The following CARMIL1 variants were observed in gnomAD, a reference collection of about 807,000 sequenced individuals.
CARMIL1 encodes F-actin-uncapping protein LRRC16A.
CARMIL1 carries 90 observed loss-of-function variants against 177.1 expected under a neutral mutation model. The observed-to-expected ratio is 0.51, with a 90% CI of 0.43 to 0.61. The LOEUF (loss-of-function observed/expected upper bound fraction) is 0.61. CARMIL1 is among the 20% of genes least tolerant of loss of function. The pLI is 0.00. For synonymous variants in CARMIL1, 577 were observed against 606.2 expected (o/e 0.95, Z 0.71); for missense variants, 1,380 against 1,667.0 (o/e 0.83, Z 3.00).
intron 22 of CARMIL1, among the ~76,000 whole-genome samples, chr6:25,518,780 G>A (rs1806261391): frequency 6.6e-6 from 1 of 151,194 alleles, no homozygotes; most frequent in Non-Finnish European, 1.5e-5. Context: ...GATTATATAT[G>A]CTCTGCTCCA....
chr6:25,604,787 G>T (rs1043827307), intron 33 of CARMIL1, 25 bp from the exon 34 acceptor site: 9 of 1,545,342 alleles, frequency 5.8e-6, no homozygotes, highest in Middle Eastern at 1.7e-4. Flanking sequence ...GCACTTTTTG[G>T]GGGGATGGTG....
chr6:25,365,451 G>A (rs1231299809), intron 2 of CARMIL1, among the ~76,000 whole-genome samples: 1 of 152,170 alleles, frequency 6.6e-6, no homozygotes, highest in African/African-American at 2.4e-5. Flanking sequence ...TGGTGGGAAA[G>A]CAAAATGCAT....
chr6:25,452,023 AT>A, intron 8 of CARMIL1: 1 of 305,550 alleles, frequency 3.3e-6, no homozygotes, highest in South Asian at 2.4e-5. Context: ...GTTTTGAATT[AT>A]TTTTCCACCT....
chr6:25,526,414 A>G (rs920367116), intron 23 of CARMIL1, among the ~76,000 whole-genome samples: 7 of 121,610 alleles, frequency 5.8e-5, no homozygotes, highest in Non-Finnish European at 1.3e-4. Context: ...TGCTTTGTTA[A>G]TAAAAAAATA....
At chr6:25,399,145 C>G (rs1793677952) in intron 2 of CARMIL1, among the ~76,000 whole-genome samples, 1 of 152,150 alleles carries the variant, frequency 6.6e-6, no homozygotes, top group South Asian at 2.1e-4. Flanking sequence ...CTTTTTGATA[C>G]TTATGTAAGC....
At chr6:25,313,507 G>T (rs9379753) in intron 2 of CARMIL1, among the ~76,000 whole-genome samples, 30,893 of 151,040 alleles carry the variant, frequency 0.2, 4,078 homozygotes, top group East Asian at 0.39. Flanking sequence ...CAGAAAGATG[G>T]GGGGATGAGA....
At chr6:25,288,801 G>A (rs1781721847) in intron 2 of CARMIL1, among the ~76,000 whole-genome samples, 1 of 152,176 alleles carries the variant, frequency 6.6e-6, no homozygotes, top group African/African-American at 2.4e-5. Context: ...AGGGCAACAA[G>A]CTGGATCTAA....
chr6:25,535,054 TTAG>T (rs1368992048), intron 24 of CARMIL1, among the ~76,000 whole-genome samples: 1 of 152,080 alleles, frequency 6.6e-6, no homozygotes, highest in Non-Finnish European at 1.5e-5. Flanking sequence ...GTGATATGAG[TTAG>T]TGGTGTGATG....
intron 5 of CARMIL1, among the ~76,000 whole-genome samples, chr6:25,439,798 A>G (rs1797566873): frequency 6.6e-6 from 1 of 152,210 alleles, no homozygotes; most frequent in African/African-American, 2.4e-5. Flanking sequence ...GGATGTAGCT[A>G]GCGCACTCTG....
At chr6:25,619,140 C>T (rs1759529840) in intron 36 of CARMIL1, among the ~76,000 whole-genome samples, 1 of 152,214 alleles carries the variant, frequency 6.6e-6, no homozygotes. Flanking sequence ...CCTGGCATCT[C>T]CCTCCGCTTC....
intron 8 of CARMIL1, among the ~76,000 whole-genome samples, chr6:25,457,962 C>T (rs1046746052): frequency 3.2e-4 from 49 of 152,316 alleles, no homozygotes; most frequent in African/African-American, 1.2e-3. Context: ...GTATACTTAA[C>T]ACTGTCTATT....
In CARMIL1 at chr6:25,330,014, G is replaced by C. The variant is rs76373254; in HGVS notation, c.138+45105G>C. ...GTTAAAAGAACACATTGAGGACACT[G>C]TTGTAGGTCAGGAAATTGAAGGTAG... On this transcript the variant is annotated intron_variant, in intron 2 of 36. Coordinates refer to ENST00000329474, the MANE Select transcript of CARMIL1 (RefSeq NM_017640.6). 1.1e-3 allele frequency among the ~76,000 whole-genome samples: 166 copies of C among 152,364 alleles called. 1 individual carries two copies. The highest frequency in any genetic ancestry group is 2.5e-3 in the Admixed American group (39 of 15,306).
At chr6:25,374,768 A>G (rs891829940) in intron 2 of CARMIL1, among the ~76,000 whole-genome samples, 1 of 152,052 alleles carries the variant, frequency 6.6e-6, no homozygotes, top group Non-Finnish European at 1.5e-5. Context: ...ATTATTATAT[A>G]ATGGCATTTT....
intron 29 of CARMIL1, chr6:25,576,889 TATCC>T: frequency 2.7e-5 from 15 of 563,528 alleles, no homozygotes; most frequent in Middle Eastern, 8.7e-4. Flanking sequence ...TTGTGAATGG[TATCC>T]CTCTCCCTCC....
In CARMIL1 at chr6:25,509,743, T is replaced by C; in HGVS notation, c.1477+6T>C. ...CTTAGACATCTCTGACAATGGTAAG[T>C]CAGATATTGAAAAGAAATGAAACTG... On this transcript the variant is annotated splice_donor_region_variant and intron_variant, in intron 18 of 36. Transcript: ENST00000329474. This position sits in a 1 kb window ranked among gnomAD's most constrained non-coding sequence, Gnocchi z 4.1. 2 of 1,567,604 alleles carry C rather than the reference T, an allele frequency of 1.3e-6. No homozygotes were observed. The highest frequency in any genetic ancestry group is 1.7e-6 in the Non-Finnish European group (2 of 1,150,844).
At position 25,554,287 on chromosome 6, in the gene CARMIL1, C is replaced by T. The variant is rs1466980208; in HGVS notation, c.2592+191C>T. ...CATTCTGGAGCATGTTAGAACTTCT[C>T]CAGAGGGAATGATAAGGGAAAGCAG... On this transcript the variant is annotated intron_variant, in intron 28 of 36. Coordinates refer to ENST00000329474, the MANE Select transcript of CARMIL1 (RefSeq NM_017640.6). The surrounding 1 kb of genome is among the most constrained non-coding windows in gnomAD (Gnocchi z 4.6). Among the ~76,000 whole-genome samples the T allele has an allele frequency of 6.6e-6, 1 of 152,128 alleles. No homozygotes were observed. Among genetic ancestry groups the T allele is most frequent in the Non-Finnish European group, 1.5e-5 (1 of 68,020 alleles).
intron 35 of CARMIL1, 130 bp downstream of exon 35, chr6:25,606,403 A>G (rs1815975049): frequency 2.7e-6 from 2 of 749,218 alleles, no homozygotes. Context: ...GGAGGGGATC[A>G]CAAGAAACCT....
intron 2 of CARMIL1, among the ~76,000 whole-genome samples, chr6:25,299,469 G>A (rs374070766): frequency 3.9e-5 from 6 of 152,066 alleles, no homozygotes; most frequent in African/African-American, 9.6e-5. Context: ...ACAGCACCCG[G>A]CCCATGCTGG....
At chr6:25,405,009 G>T (rs1362639334) in intron 2 of CARMIL1, among the ~76,000 whole-genome samples, 1 of 150,318 alleles carries the variant, frequency 6.7e-6, no homozygotes, top group Non-Finnish European at 1.5e-5. Context: ...CAGCAGCAGT[G>T]TTTATGACTA....
Sources: allele counts gnomAD v4.1 joint callset (sites outside exome capture counted in the v4.1 genomes callset), GRCh38; gene constraint gnomAD v4.1.1; non-coding constraint Gnocchi (gnomAD v3.1); transcripts MANE v1.5; gene names NCBI Gene and HGNC (gene_info 2026-07-23, HGNC 2026-07-21).